The following FHIT variants were observed in gnomAD, a reference collection of about 807,000 sequenced individuals.
FHIT encodes the protein fragile histidine triad diadenosine triphosphatase.
Under a neutral mutation model 17.9 loss-of-function variants are expected in FHIT, and 19 were observed. That is an observed-to-expected ratio of 1.06 (90% CI 0.74 to 1.56). The LOEUF (loss-of-function observed/expected upper bound fraction) is 1.56. Among genes scored for constraint, FHIT ranks in the 40% most tolerant of loss-of-function variants. The pLI, the probability that FHIT is intolerant of heterozygous loss-of-function variation, is 0.00. For synonymous variants in FHIT, 81 were observed against 69.7 expected, an observed-to-expected ratio of 1.16 and a Z score of -0.81; for missense variants, 248 against 189.2, an observed-to-expected ratio of 1.31 and a Z score of -1.82.
In FHIT at chr3:60,426,522, G is replaced by A. The variant is rs538627758; in HGVS notation, c.103+110338C>T. Among the ~76,000 whole-genome samples, 3 of 152,112 alleles carry A rather than the reference G, an allele frequency of 2.0e-5. No individual in the cohort carries two copies. In the East Asian group the frequency reaches 5.8e-4, roughly 29 times the overall value. Reference sequence around the variant, plus strand: ...AAAAATGTTAGACTCTTCTACATATGCATCTATTTATCACTGCTCACATTC... The same window carrying A: ...AAAAATGTTAGACTCTTCTACATATACATCTATTTATCACTGCTCACATTC... On this transcript the variant is annotated intron_variant, in intron 5 of 9. Transcript: ENST00000492590.
At chr3:60,941,341 C>T (rs1244772784) in intron 3 of FHIT, among the ~76,000 whole-genome samples, 1 of 152,112 alleles carries the variant, frequency 6.6e-6, no homozygotes, top group African/African-American at 2.4e-5. Context: ...AAAAATGGCA[C>T]CTTCATTTCT....
chr3:60,116,550 T>G (rs1704971154), intron 5 of FHIT, among the ~76,000 whole-genome samples: 1 of 152,184 alleles, frequency 6.6e-6, no homozygotes, highest in Non-Finnish European at 1.5e-5. Flanking sequence ...CAGCCCATCA[T>G]GAACAATTCT....
intron 5 of FHIT, among the ~76,000 whole-genome samples, chr3:60,468,244 C>T (rs2032904519): frequency 6.6e-6 from 1 of 152,054 alleles, no homozygotes; most frequent in Non-Finnish European, 1.5e-5. Context: ...TTTTATTTAT[C>T]CATTCAGCCA....
intron 8 of FHIT, among the ~76,000 whole-genome samples, chr3:59,897,167 A>C (rs1480058398): frequency 6.6e-6 from 1 of 152,214 alleles, no homozygotes; most frequent in African/African-American, 2.4e-5. Context: ...AGTCTAAAAG[A>C]ACTTTCTGCA....
intron 4 of FHIT, among the ~76,000 whole-genome samples, chr3:60,623,772 T>C (rs375802017): frequency 6.6e-6 from 1 of 152,136 alleles, no homozygotes; most frequent in Admixed American, 6.6e-5. Context: ...TTTCGGCGTG[T>C]CTTCAGGAAC....
At chr3:60,429,461 C>G (rs1702795119) in intron 5 of FHIT, among the ~76,000 whole-genome samples, 1 of 151,982 alleles carries the variant, frequency 6.6e-6, no homozygotes, top group South Asian at 2.1e-4. Flanking sequence ...ATTTCCTGAA[C>G]AGGCACAACA....
At chr3:59,790,892 A>G (rs1699527827) in intron 8 of FHIT, among the ~76,000 whole-genome samples, 1 of 152,064 alleles carries the variant, frequency 6.6e-6, no homozygotes, top group African/African-American at 2.4e-5. Flanking sequence ...TTATTTTCTG[A>G]GGTCATTCCT....
chr3:59,888,117 G>A (rs551070903), intron 8 of FHIT, among the ~76,000 whole-genome samples: 15 of 152,172 alleles, frequency 9.9e-5, no homozygotes, highest in East Asian at 3.9e-4. Flanking sequence ...TGTTGCCATC[G>A]GGGCACTCTG....
chr3:60,644,357 G>A lies in FHIT; in HGVS notation c.-17-107378C>T, dbSNP rs539055460. On this transcript the variant is annotated intron_variant, in intron 4 of 9. Transcript: ENST00000492590. ...ACAAGCATGTTGAAAAACTGATACC[G>A]TGAAATATTGAAAATTTGAAATTGA... Among the ~76,000 whole-genome samples, 9 of 152,196 alleles carry A rather than the reference G, an allele frequency of 5.9e-5. No individual in the cohort carries two copies. The East Asian group carries it at 1.2e-3, about 20-fold the overall frequency.
chr3:60,333,804 C>A (rs887050957), intron 5 of FHIT, among the ~76,000 whole-genome samples: 2 of 152,282 alleles, frequency 1.3e-5, no homozygotes, highest in South Asian at 4.1e-4. Context: ...AACCGTCAGG[C>A]CTCCCAGATA....
At chr3:59,914,516 T>C (rs1163456559) in intron 8 of FHIT, among the ~76,000 whole-genome samples, 3 of 152,204 alleles carry the variant, frequency 2.0e-5, no homozygotes, top group Non-Finnish European at 2.9e-5. Flanking sequence ...TACAGGTTGT[T>C]TGAATTACGT....
chr3:60,054,211 G>C (rs1215650810), intron 5 of FHIT, among the ~76,000 whole-genome samples: 1 of 152,100 alleles, frequency 6.6e-6, no homozygotes, highest in Admixed American at 6.5e-5. Context: ...TAAATGATAA[G>C]TTTGCAAACA....
chr3:60,644,339 T>C (rs947985947), intron 4 of FHIT, among the ~76,000 whole-genome samples: 11 of 152,216 alleles, frequency 7.2e-5, no homozygotes, highest in African/African-American at 2.4e-4. Flanking sequence ...AATACAAGCA[T>C]GTTGAAAAAC....
intron 2 of FHIT, among the ~76,000 whole-genome samples, chr3:61,153,764 A>G (rs878923090): frequency 3.9e-5 from 6 of 152,216 alleles, no homozygotes; most frequent in Admixed American, 3.9e-4. Flanking sequence ...TGTTGCTGTT[A>G]TTATGAAAAT....
chr3:60,110,644 A>G (rs541207517), intron 5 of FHIT, among the ~76,000 whole-genome samples: 2 of 152,314 alleles, frequency 1.3e-5, no homozygotes, highest in African/African-American at 4.8e-5. Context: ...CAGACATACT[A>G]ACATGACTTC....
intron 5 of FHIT, among the ~76,000 whole-genome samples, chr3:60,233,573 TTTCA>T (rs947643215): frequency 9.2e-5 from 14 of 151,568 alleles, no homozygotes; most frequent in Non-Finnish European, 1.9e-4. Flanking sequence ...ACCTATTTTC[TTTCA>T]TTATTTCTTC....
intron 5 of FHIT, among the ~76,000 whole-genome samples, chr3:60,420,222 C>T (rs1702418627): frequency 6.6e-6 from 1 of 152,106 alleles, no homozygotes; most frequent in Non-Finnish European, 1.5e-5. Context: ...CTGTAACTTG[C>T]TTTGCTAACT....
intron 7 of FHIT, among the ~76,000 whole-genome samples, chr3:59,975,944 C>T (rs1449183399): frequency 1.3e-5 from 2 of 152,044 alleles, no homozygotes; most frequent in East Asian, 3.9e-4. Flanking sequence ...AGTTCCTCCC[C>T]TGTACTAGAA....
chr3:60,807,409 C>CAAAAAAAAAAGAA (rs5849392), intron 4 of FHIT, among the ~76,000 whole-genome samples: 1 of 141,692 alleles, frequency 7.1e-6, no homozygotes, highest in Non-Finnish European at 1.5e-5. Context: ...CCTGTCTCTA[C>CAAAAAAAAAAGAA]AAAAAAAAAG....
Sources: gnomAD v4.1 joint callset for allele counts (sites outside exome capture counted in the v4.1 genomes callset) on GRCh38, gnomAD v4.1.1 for gene constraint, MANE v1.5 for transcripts, NCBI Gene and HGNC (gene_info 2026-07-23, HGNC 2026-07-21) for gene names.